The following WLS variants were observed in gnomAD, a reference collection of about 807,000 sequenced individuals.
The protein encoded by WLS is Wnt ligand secretion mediator.
WLS carries 23 observed loss-of-function variants against 62.8 expected under a neutral mutation model. That is an observed-to-expected ratio of 0.37 (90% CI 0.26 to 0.52). WLS has a LOEUF of 0.52. WLS is among the 20% of genes least tolerant of loss of function. WLS has a pLI of 0.92. For missense variants in WLS, 615 were observed against 697.3 expected, an observed-to-expected ratio of 0.88 and a Z score of 1.33; for synonymous variants, 246 against 244.1, an observed-to-expected ratio of 1.01 and a Z score of -0.07.
intron 10 of WLS, among the ~76,000 whole-genome samples, chr1:68,140,063 G>C (rs1270459472): frequency 6.6e-6 from 1 of 152,220 alleles, no homozygotes; most frequent in Non-Finnish European, 1.5e-5. Context: ...TTTATTCAAT[G>C]CTAATGATGT....
At chr1:68,099,577 C>A (rs929290463) in intron 11 of WLS, among the ~76,000 whole-genome samples, 1 of 152,136 alleles carries the variant, frequency 6.6e-6, no homozygotes, top group African/African-American at 2.4e-5. Flanking sequence ...CATAAGGGAC[C>A]ATTTGCATGC....
intron 1 of WLS, among the ~76,000 whole-genome samples, chr1:68,230,570 C>CGTGTGTGTGTGTGTGT (rs112351005): frequency 4.2e-5 from 5 of 118,586 alleles, no homozygotes; most frequent in African/African-American, 1.5e-4. Context: ...AAAGCCAACC[C>CGTGTGTGTGTGTGTGT]GTGTGTGTGT....
At chr1:68,192,301 A>G (rs1172231432) in intron 2 of WLS, among the ~76,000 whole-genome samples, 2 of 152,218 alleles carry the variant, frequency 1.3e-5, no homozygotes, top group African/African-American at 4.8e-5. Flanking sequence ...ATTATTACAG[A>G]TACATGAAAA....
At chr1:68,230,267 A>C (rs1650346159) in intron 1 of WLS, among the ~76,000 whole-genome samples, 1 of 152,070 alleles carries the variant, frequency 6.6e-6, no homozygotes, top group Non-Finnish European at 1.5e-5. Context: ...TTGTGCAAAA[A>C]CCTCAAAGAG....
intron 1 of WLS, among the ~76,000 whole-genome samples, chr1:68,197,535 A>T (rs1044097739): frequency 2.6e-5 from 4 of 152,214 alleles, no homozygotes; most frequent in African/African-American, 9.6e-5. Flanking sequence ...AGAAAACACA[A>T]GTATTGCTTG....
intron 1 of WLS, among the ~76,000 whole-genome samples, chr1:68,210,212 T>C (rs1161467546): frequency 6.6e-6 from 1 of 152,182 alleles, no homozygotes; most frequent in East Asian, 1.9e-4. Context: ...GTTGCCATGG[T>C]AGCAGAGGTA....
At chr1:68,174,739 C>T (rs570553058) in intron 2 of WLS, among the ~76,000 whole-genome samples, 1 of 152,300 alleles carries the variant, frequency 6.6e-6, no homozygotes, top group Non-Finnish European at 1.5e-5. Flanking sequence ...GCGTTGGTCT[C>T]TACATGCATC....
At chr1:68,213,301 AT>A (rs1457011157) in intron 1 of WLS, among the ~76,000 whole-genome samples, 1 of 152,006 alleles carries the variant, frequency 6.6e-6, no homozygotes, top group African/African-American at 2.4e-5. Context: ...ATATACAAAA[AT>A]TAGCCAGGCA....
At chr1:68,199,508 CATAGAA>C (rs1353521413) in intron 1 of WLS, among the ~76,000 whole-genome samples, 1 of 152,088 alleles carries the variant, frequency 6.6e-6, no homozygotes, top group Non-Finnish European at 1.5e-5. Flanking sequence ...TGTGCTGGGT[CATAGAA>C]TATCTAAAAC....
intron 2 of WLS, among the ~76,000 whole-genome samples, chr1:68,178,747 G>T (rs573961723): frequency 1.0e-4 from 15 of 150,266 alleles, no homozygotes; most frequent in Non-Finnish European, 1.6e-4. Flanking sequence ...CTAAACAAAA[G>T]AGGGTTATGA....
At chr1:68,194,513 C>CA (rs1443064688) in intron 1 of WLS, among the ~76,000 whole-genome samples, 1 of 152,176 alleles carries the variant, frequency 6.6e-6, no homozygotes, top group Non-Finnish European at 1.5e-5. Context: ...AACAATGTCA[C>CA]AAAAAATCAA....
At chr1:68,117,940 A>C (rs948681702) in intron 11 of WLS, among the ~76,000 whole-genome samples, 3 of 151,916 alleles carry the variant, frequency 2.0e-5, no homozygotes, top group Non-Finnish European at 4.4e-5. Context: ...TTGGTCTTCC[A>C]GCTGGGAAAC....
chr1:68,194,001 C>G lies in WLS; in HGVS notation c.333G>C (p.Leu111=). ...AGGCAATGTCCAGCTGCAGGATAAA[C>G]AGCATGAATTGGAACCAAGGACTCA... The part of the protein sequence containing the change: ...MEMSPWFQFM[L]FILQLDIAFK... Residue 111 remains leucine, a synonymous_variant, in exon 2 of 12, where the codon CTG becomes CTC. Coordinates refer to ENST00000262348, the MANE Select transcript of WLS (RefSeq NM_024911.7). The G allele has an allele frequency of 2.5e-6, 4 of 1,614,168 alleles. No homozygotes were observed. Among genetic ancestry groups the G allele is most frequent in the Non-Finnish European group, 3.4e-6 (4 of 1,180,036 alleles).
chr1:68,099,489 C>A (rs1032549756), intron 11 of WLS, among the ~76,000 whole-genome samples: 2 of 152,112 alleles, frequency 1.3e-5, no homozygotes, highest in Non-Finnish European at 2.9e-5. Context: ...GTCATCCTTC[C>A]GTACCTGTAG....
chr1:68,194,605 T>C (rs575267028), intron 1 of WLS, among the ~76,000 whole-genome samples: 1 of 152,332 alleles, frequency 6.6e-6, no homozygotes, highest in East Asian at 1.9e-4. Context: ...CAGAAGACCT[T>C]AGTCTTCAAA....
At chr1:68,124,873 G>C (rs1207582591), downstream of WLS, among the ~76,000 whole-genome samples, 1 of 152,114 alleles carries the variant, frequency 6.6e-6, no homozygotes, top group East Asian at 1.9e-4. Flanking sequence ...TTAGACTCCA[G>C]GAAAAACACA....
intron 11 of WLS, among the ~76,000 whole-genome samples, chr1:68,136,924 G>C (rs183174377): frequency 6.6e-6 from 1 of 152,358 alleles, no homozygotes; most frequent in African/African-American, 2.4e-5. Context: ...ACTGATTTGA[G>C]AAAGGGCTTC....
At chr1:68,228,908 T>G (rs1411576932) in intron 1 of WLS, among the ~76,000 whole-genome samples, 1 of 148,742 alleles carries the variant, frequency 6.7e-6, no homozygotes, top group Non-Finnish European at 1.5e-5. Flanking sequence ...TTTTTTTTTT[T>G]TTTTGGTAAG....
chr1:68,123,213 C>T (rs1207037267), downstream of WLS, among the ~76,000 whole-genome samples: 1 of 152,192 alleles, frequency 6.6e-6, no homozygotes, highest in Non-Finnish European at 1.5e-5. Flanking sequence ...CTACCTTCTG[C>T]CCTTGCCACT....
Sources: gnomAD v4.1 joint callset for allele counts (sites outside exome capture counted in the v4.1 genomes callset) on GRCh38, gnomAD v4.1.1 for gene constraint, MANE v1.5 for transcripts, NCBI Gene and HGNC (gene_info 2026-07-23, HGNC 2026-07-21) for gene names.